The following DMRT3 variants were observed in gnomAD, a reference collection of about 807,000 sequenced individuals.
The protein encoded by DMRT3 is doublesex- and mab-3-related transcription factor 3.
A neutral mutation model predicts 34.9 loss-of-function variants in DMRT3; 29 were observed. The observed-to-expected ratio is 0.83, with a 90% CI of 0.62 to 1.13. DMRT3 has a LOEUF of 1.13. Among genes scored for constraint, DMRT3 ranks in the 50% most tolerant of loss-of-function variants. The pLI is 0.00. For synonymous variants in DMRT3, 350 were observed against 286.0 expected (o/e 1.22, Z -2.26); for missense variants, 772 against 629.1 (o/e 1.23, Z -2.43).
rs771530433 is a variant in DMRT3 at position 990,681 on chromosome 9, A to G, written c.1095A>G (p.Pro365=). 2 of 1,613,242 alleles carry G rather than the reference A, an allele frequency of 1.2e-6. No homozygotes were observed. Among genetic ancestry groups the G allele is most frequent in the East Asian group, 2.2e-5 (1 of 44,858 alleles). The change falls in exon 2 of 2, where the codon CCA becomes CCG. Residue 365 remains proline (P), a synonymous_variant. Transcript: ENST00000190165. ...CTCTGCAGCCCCCTTTCCCCCAGCC[A>G]CCCCGGTACCCGCTGATGCTGAGGA... The part of the protein sequence containing the change: ...AGPLQPPFPQ[P]PRYPLMLRNT...
At chr9:982,097 G>T (rs1279654963) in intron 1 of DMRT3, among the ~76,000 whole-genome samples, 1 of 152,206 alleles carries the variant, frequency 6.6e-6, no homozygotes, top group Non-Finnish European at 1.5e-5. Flanking sequence ...TTTATTTGAT[G>T]GTCCCACTTA....
In DMRT3 at chr9:990,209, A is replaced by G; in HGVS notation, c.623A>G (p.Gln208Arg). 3 of 1,614,058 alleles carry G rather than the reference A, an allele frequency of 1.9e-6. No individual in the cohort carries two copies. Among genetic ancestry groups the G allele is most frequent in the African/African-American group, 1.3e-5 (1 of 75,012 alleles). Residue 208 changes from glutamine to arginine, a missense_variant, in exon 2 of 2, where the codon CAG becomes CGG. Coordinates refer to ENST00000190165, the MANE Select transcript of DMRT3 (RefSeq NM_021240.4). ...GTGGAGGAAGGGGGATACGCTGTCC[A>G]GAAAAACGGAGGCAACCCCGAGAGC... is the stretch of plus-strand genomic sequence containing the variant. ...VSVEEGGYAV[Q>R]KNGGNPESRP...
At position 977,115 on chromosome 9, in the gene DMRT3, G is replaced by T. The variant is rs200849685; in HGVS notation, c.114G>T (p.Leu38=). ...CGCGCTGCCGCAACCATGGCGTCCT[G>T]TCCTGGCTCAAGGGCCACAAGCGTT... is the stretch of plus-strand genomic sequence containing the variant. ...KCARCRNHGV[L]SWLKGHKRYC... Residue 38 remains leucine, a synonymous_variant, in exon 1 of 2, where the codon CTG becomes CTT. Transcript: ENST00000190165. The T allele has an allele frequency of 1.9e-6, 3 of 1,609,662 alleles. No individual in the cohort carries two copies. The highest frequency in any genetic ancestry group is 1.7e-4 in the Middle Eastern group (1 of 5,912).
At chr9:987,969 C>T (rs1293087216) in intron 1 of DMRT3, among the ~76,000 whole-genome samples, 2 of 152,088 alleles carry the variant, frequency 1.3e-5, no homozygotes, top group Admixed American at 6.6e-5. Flanking sequence ...GAGTCAGGAA[C>T]ATTTAAATAG....
chr9:987,528 C>T (rs1019086710), intron 1 of DMRT3, among the ~76,000 whole-genome samples: 2 of 151,636 alleles, frequency 1.3e-5, no homozygotes, highest in Non-Finnish European at 2.9e-5. Flanking sequence ...ATTGTGAATG[C>T]TGCTGCCATG....
At chr9:986,537 G>C (rs989598643) in intron 1 of DMRT3, among the ~76,000 whole-genome samples, 12 of 152,192 alleles carry the variant, frequency 7.9e-5, no homozygotes, top group African/African-American at 2.9e-4. Context: ...CTTATCTAAA[G>C]TGGGGGCAGG....
At chr9:988,283 C>T (rs1389239023) in intron 1 of DMRT3, among the ~76,000 whole-genome samples, 1 of 152,122 alleles carries the variant, frequency 6.6e-6, no homozygotes, top group Non-Finnish European at 1.5e-5. Flanking sequence ...AATTAAAATG[C>T]AAATTTGGGA....
At chr9:985,246 T>TA (rs1354329321) in intron 1 of DMRT3, among the ~76,000 whole-genome samples, 2 of 152,236 alleles carry the variant, frequency 1.3e-5, no homozygotes, top group Admixed American at 6.5e-5. Context: ...TCATATTCGA[T>TA]AAAATTGATT....
At chr9:982,473 G>A (rs149586021) in intron 1 of DMRT3, among the ~76,000 whole-genome samples, 59 of 152,294 alleles carry the variant, frequency 3.9e-4, no homozygotes, top group African/African-American at 1.3e-3. Flanking sequence ...ATGAACTCCC[G>A]GGTTTAAAAG....
In DMRT3 at chr9:991,192, A is replaced by C; in HGVS notation, c.*187A>C. 1 of 693,562 alleles carries C rather than the reference A, an allele frequency of 1.4e-6. No homozygotes were observed. Among genetic ancestry groups the C allele is most frequent in the Non-Finnish European group, 2.3e-6 (1 of 428,302 alleles). 43.0% of individuals were successfully genotyped at this position (693,562 alleles called of 1,614,324 possible). ...TCTTGCACTTCACTGGAAAATGCCAAATAGCTCTGTTCTGTGGCTTTAGTG... is the reference window on the plus strand; with the variant it reads ...TCTTGCACTTCACTGGAAAATGCCACATAGCTCTGTTCTGTGGCTTTAGTG... On this transcript the variant is annotated 3_prime_UTR_variant, in exon 2 of 2. Coordinates refer to ENST00000190165, the MANE Select transcript of DMRT3 (RefSeq NM_021240.4).
chr9:977,798 C>T (rs1820171007), intron 1 of DMRT3, among the ~76,000 whole-genome samples: 1 of 152,216 alleles, frequency 6.6e-6, no homozygotes. Context: ...AAATTAAAAC[C>T]CACGTGCGCA....
chr9:990,513 C>CG lies in DMRT3; in HGVS notation c.927_928insG (p.Asn310GlufsTer6). On this transcript the variant is annotated frameshift_variant, in exon 2 of 2. Coordinates refer to ENST00000190165, the MANE Select transcript of DMRT3 (RefSeq NM_021240.4). LOFTEE classifies it high-confidence loss of function. ...AACCTGAGAGTCTAGCGTTGCCCTC[C>CG]AATGGGCACATCTTTGAACACACCT... 1.2e-6 allele frequency: 2 copies of CG among 1,614,158 alleles called. No individual in the cohort carries two copies. The highest frequency in any genetic ancestry group is 1.7e-6 in the Non-Finnish European group (2 of 1,180,038).
rs781167215 is a variant in DMRT3, at chr9:990,546, C to G, written c.960C>G (p.Ser320=). ...ACATCTTTGAACACACCTTGAGCTC[C>G]TACCCCATCTCGTCTTCCAAATGGT... ...NGHIFEHTLS[S]YPISSSKWSV... The change falls in exon 2 of 2, where the codon TCC becomes TCG. Residue 320 remains serine (S), a synonymous_variant. Coordinates refer to ENST00000190165, the MANE Select transcript of DMRT3 (RefSeq NM_021240.4). 4 of 1,613,960 alleles carry G rather than the reference C, an allele frequency of 2.5e-6. No homozygotes were observed. In the South Asian group the frequency reaches 4.4e-5, roughly 18 times the overall value.
intron 1 of DMRT3, among the ~76,000 whole-genome samples, chr9:987,412 CTGTGTGTGTG>C (rs6150885): frequency 0.028 from 4,156 of 149,564 alleles, 158 homozygotes; most frequent in African/African-American, 0.083. Context: ...TAATATCCCA[CTGTGTGTGTG>C]TGTGTGTGTG....
chr9:990,339 G>T lies in DMRT3; in HGVS notation c.753G>T (p.Pro251=), dbSNP rs184249595. The stretch of plus-strand genomic sequence containing the variant: ...TCAGCTTGAAAGCCAACAGACCGCC[G>T]CTTGAAGTGTTAAAAAAGATATTCC... ...LPFSLKANRP[P]LEVLKKIFPN... Residue 251 remains proline (P), a synonymous_variant, in exon 2 of 2, where the codon CCG becomes CCT. Coordinates refer to ENST00000190165, the MANE Select transcript of DMRT3 (RefSeq NM_021240.4). The T allele has an allele frequency of 6.2e-7, 1 of 1,613,726 alleles. No homozygotes were observed. The highest frequency in any genetic ancestry group is 8.5e-7 in the Non-Finnish European group (1 of 1,180,010).
chr9:981,234 C>T (rs1820216634), intron 1 of DMRT3, among the ~76,000 whole-genome samples: 1 of 151,924 alleles, frequency 6.6e-6, no homozygotes, highest in African/African-American at 2.4e-5. Context: ...TCTGCTCCGG[C>T]TTGACTGGGT....
intron 1 of DMRT3, among the ~76,000 whole-genome samples, chr9:980,594 ATG>A (rs1554603982): frequency 3.6e-5 from 4 of 112,324 alleles, no homozygotes; most frequent in African/African-American, 8.2e-5. Context: ...TAAGCTATAT[ATG>A]TGTGTGTATA....
At chr9:980,704 G>C (rs1820206092) in intron 1 of DMRT3, among the ~76,000 whole-genome samples, 1 of 134,252 alleles carries the variant, frequency 7.4e-6, no homozygotes, top group African/African-American at 2.6e-5. Context: ...GAAAATACAG[G>C]AGGCATGAAG....
intron 1 of DMRT3, among the ~76,000 whole-genome samples, chr9:983,908 G>GT (rs33987544): frequency 0.26 from 37,178 of 141,264 alleles, 5,210 homozygotes; most frequent in African/African-American, 0.37. Context: ...AGCATGGCTA[G>GT]TTTTTTTTTT....
Sources: gnomAD v4.1 joint callset for allele counts (sites outside exome capture counted in the v4.1 genomes callset) on GRCh38, gnomAD v4.1.1 for gene constraint, MANE v1.5 for transcripts, NCBI Gene and HGNC (gene_info 2026-07-23, HGNC 2026-07-21) for gene names.